The following EFCAB11 variants were observed in gnomAD, a reference collection of about 807,000 sequenced individuals.
EFCAB11 encodes the protein EF-hand calcium-binding domain-containing protein 11.
A neutral mutation model predicts 23.0 loss-of-function variants in EFCAB11; 14 were observed. The observed-to-expected ratio is 0.61, with a 90% CI of 0.40 to 0.95. The LOEUF is 0.95. Ranked by LOEUF, EFCAB11 falls within the 40% of genes least tolerant of loss-of-function variation. The pLI, the probability that EFCAB11 is intolerant of heterozygous loss-of-function variation, is 0.00. For missense variants in EFCAB11, 198 were observed against 195.8 expected (o/e 1.01, Z -0.07); for synonymous variants, 65 against 66.6 (o/e 0.98, Z 0.11).
At chr14:89,836,834 C>T (rs1296640142) in intron 5 of EFCAB11, among the ~76,000 whole-genome samples, 1 of 152,146 alleles carries the variant, frequency 6.6e-6, no homozygotes, top group Non-Finnish European at 1.5e-5. Flanking sequence ...GCCTGGCCAA[C>T]ATGGTAAAAC....
At chr14:89,815,572 G>T (rs552530594) in intron 5 of EFCAB11, among the ~76,000 whole-genome samples, 11 of 152,012 alleles carry the variant, frequency 7.2e-5, no homozygotes, top group Non-Finnish European at 1.5e-5. Context: ...GATTACAGGC[G>T]CGCGCCACCA....
At chr14:89,895,384 C>T (rs1889122253) in intron 5 of EFCAB11, among the ~76,000 whole-genome samples, 1 of 152,070 alleles carries the variant, frequency 6.6e-6, no homozygotes, top group Non-Finnish European at 1.5e-5. Context: ...AAACAAAGAG[C>T]TGGAAATAAT....
At position 89,815,190 on chromosome 14, in the gene EFCAB11, C is replaced by A. The variant is rs80269359; in HGVS notation, c.411-17866G>T. Among the ~76,000 whole-genome samples the A allele has an allele frequency of 4.7e-3, 714 of 152,204 alleles. 10 individuals are homozygous for A. The highest frequency in any genetic ancestry group is 0.016 in the African/African-American group (677 of 41,526). Reference sequence around the variant, plus strand: ...AATGAACATCCTCCCCAGAGCCCTGCAGAATAGCCCAAGAGAACGTCCCCA... The same window carrying A: ...AATGAACATCCTCCCCAGAGCCCTGAAGAATAGCCCAAGAGAACGTCCCCA... On this transcript the variant is annotated intron_variant, in intron 5 of 5. Transcript: ENST00000316738.
intron 5 of EFCAB11, among the ~76,000 whole-genome samples, chr14:89,872,322 C>A (rs1430754855): frequency 6.6e-6 from 1 of 152,184 alleles, no homozygotes; most frequent in African/African-American, 2.4e-5. Context: ...CAGAAAGCCA[C>A]ACGCGCAAAG....
intron 4 of EFCAB11, among the ~76,000 whole-genome samples, 197 bp from the exon 5 acceptor site, chr14:89,931,828 G>T (rs1890398557): frequency 1.3e-5 from 2 of 152,158 alleles, no homozygotes. Flanking sequence ...CTTTCCTTCA[G>T]TGCAGTCCCG....
intron 5 of EFCAB11, among the ~76,000 whole-genome samples, chr14:89,878,861 C>G (rs1270622139): frequency 6.6e-6 from 1 of 151,898 alleles, no homozygotes; most frequent in Non-Finnish European, 1.5e-5. Flanking sequence ...AGACACATGT[C>G]TCTTCTTTTC....
chr14:89,884,676 T>C (rs981168437), intron 5 of EFCAB11, among the ~76,000 whole-genome samples: 1 of 152,240 alleles, frequency 6.6e-6, no homozygotes, highest in Non-Finnish European at 1.5e-5. Context: ...ACTATTACAA[T>C]TACTAAGACG....
chr14:89,887,600 A>G (rs1566797809), intron 5 of EFCAB11, among the ~76,000 whole-genome samples: 2 of 152,258 alleles, frequency 1.3e-5, no homozygotes, highest in Admixed American at 6.5e-5. Flanking sequence ...AAATAAAGTA[A>G]CACTGAAAAT....
chr14:89,846,146 G>A (rs373819382), intron 5 of EFCAB11, among the ~76,000 whole-genome samples: 19 of 152,190 alleles, frequency 1.2e-4, no homozygotes, highest in African/African-American at 1.9e-4. Flanking sequence ...AGTGCTTAGC[G>A]CAGTGGCTAG....
intron 5 of EFCAB11, among the ~76,000 whole-genome samples, chr14:89,870,787 A>T (rs1176838885): frequency 6.6e-6 from 1 of 151,374 alleles, no homozygotes; most frequent in African/African-American, 2.4e-5. Context: ...AAAAAAAAAA[A>T]AAAATTAGCC....
chr14:89,812,037 G>T (rs372811934), intron 5 of EFCAB11, among the ~76,000 whole-genome samples: 3 of 152,212 alleles, frequency 2.0e-5, no homozygotes, highest in Non-Finnish European at 1.5e-5. Context: ...TATATAAAAA[G>T]AAAATAGATT....
chr14:89,822,746 G>C (rs1044947293), intron 5 of EFCAB11, among the ~76,000 whole-genome samples: 1 of 152,158 alleles, frequency 6.6e-6, no homozygotes, highest in African/African-American at 2.4e-5. Flanking sequence ...TCTGACTACT[G>C]AGAGTGGAGA....
intron 5 of EFCAB11, among the ~76,000 whole-genome samples, chr14:89,852,686 T>C (rs1472421379): frequency 2.0e-5 from 3 of 152,248 alleles, no homozygotes; most frequent in African/African-American, 4.8e-5. Context: ...AGATGTTTTA[T>C]TCCTCGCACA....
intron 5 of EFCAB11, among the ~76,000 whole-genome samples, chr14:89,845,451 T>C (rs1464743281): frequency 6.6e-6 from 1 of 152,234 alleles, no homozygotes; most frequent in Non-Finnish European, 1.5e-5. Context: ...CTGAGCATTC[T>C]TGAAATAAGG....
intron 5 of EFCAB11, among the ~76,000 whole-genome samples, chr14:89,835,472 C>T (rs1005318796): frequency 6.6e-6 from 1 of 151,822 alleles, no homozygotes; most frequent in Admixed American, 6.6e-5. Flanking sequence ...AAAGTTTTGA[C>T]TGCAACCAGT....
At chr14:89,917,098 A>ATGTG (rs1242468086) in intron 5 of EFCAB11, among the ~76,000 whole-genome samples, 2 of 73,342 alleles carry the variant, frequency 2.7e-5, no homozygotes, top group Non-Finnish European at 2.4e-5. Context: ...GTGTGTGTGT[A>ATGTG]TGTGTGTGTT....
At chr14:89,800,706 CAAAAGGGAGACCTGG>C (rs1566762862) in intron 5 of EFCAB11, among the ~76,000 whole-genome samples, 2 of 151,994 alleles carry the variant, frequency 1.3e-5, no homozygotes, top group African/African-American at 4.8e-5. Context: ...TTTTGAGATG[CAAAAGGGAGACCTGG>C]AATTGATTTT....
chr14:89,883,960 C>CA (rs1271796353), intron 5 of EFCAB11, among the ~76,000 whole-genome samples: 1 of 151,928 alleles, frequency 6.6e-6, no homozygotes, highest in Non-Finnish European at 1.5e-5. Context: ...ACCTCATCTC[C>CA]AAAAAAGTTT....
chr14:89,818,999 C>T (rs1005451240), intron 5 of EFCAB11, among the ~76,000 whole-genome samples: 1 of 152,196 alleles, frequency 6.6e-6, no homozygotes, highest in Non-Finnish European at 1.5e-5. Flanking sequence ...ATCTACCACA[C>T]GGTCCAGCCA....
Sources: allele counts gnomAD v4.1 joint callset (sites outside exome capture counted in the v4.1 genomes callset), GRCh38; gene constraint gnomAD v4.1.1; transcripts MANE v1.5; gene names NCBI Gene and HGNC (gene_info 2026-07-23, HGNC 2026-07-21).